The following TMEM130 variants were observed in gnomAD, a reference collection of about 807,000 sequenced individuals.
The protein encoded by TMEM130 is transmembrane protein 130.
In TMEM130, 37 loss-of-function variants were observed where a neutral mutation model predicts 42.9. That is an observed-to-expected ratio of 0.86 (90% confidence interval 0.66 to 1.13). TMEM130 has a LOEUF of 1.13. TMEM130 is among the 50% of genes most tolerant of loss of function. TMEM130 has a pLI of 0.00. For synonymous variants in TMEM130, 259 were observed against 237.7 expected (o/e 1.09, Z -0.82); for missense variants, 545 against 562.6 (o/e 0.97, Z 0.32).
chr7:98,852,698 G>A (rs1444413698), intron 5 of TMEM130, among the ~76,000 whole-genome samples: 3 of 151,902 alleles, frequency 2.0e-5, no homozygotes, highest in African/African-American at 7.3e-5. Context: ...GGGTTCAAGT[G>A]AGTCTTCCAC....
At position 98,851,636 on chromosome 7, in the gene TMEM130, G is replaced by T. The variant is rs782585507; in HGVS notation, c.804-13C>A. 1.3e-6 allele frequency: 2 copies of T among 1,599,034 alleles called. No homozygotes were observed. Among genetic ancestry groups the T allele is most frequent in the East Asian group, 4.5e-5 (2 of 44,512 alleles). Reference sequence around the variant, plus strand: ...AGTCAGAGGAGGGCTGCAGGGAAATGGGGGCGGTTTTTAAGAAAAGGCTCA... The same window carrying T: ...AGTCAGAGGAGGGCTGCAGGGAAATTGGGGCGGTTTTTAAGAAAAGGCTCA... On this transcript the variant is annotated splice_polypyrimidine_tract_variant and intron_variant, in intron 5 of 7. Transcript: ENST00000339375.
intron 3 of TMEM130, among the ~76,000 whole-genome samples, chr7:98,858,934 G>C (rs534534725): frequency 6.9e-6 from 1 of 145,070 alleles, no homozygotes; most frequent in African/African-American, 2.5e-5. Context: ...TTTGGGAGGA[G>C]GAAGGGAGGG....
In TMEM130 at chr7:98,853,650, C is replaced by T. The variant is rs145269800; in HGVS notation, c.803+1590G>A. Among the ~76,000 whole-genome samples, 6 of 152,260 alleles carry T rather than the reference C, an allele frequency of 3.9e-5. No homozygotes were observed. The East Asian group carries it at 7.7e-4, about 20-fold the overall frequency. ...CTGAAAAAAAGAAAGAGTCCTTTAA[C>T]GCCTGGGCCCTGACCACTGATGTCT... On this transcript the variant is annotated intron_variant, in intron 5 of 7. Transcript: ENST00000339375.
chr7:98,862,541 G>C (rs12532476), intron 2 of TMEM130, among the ~76,000 whole-genome samples: 112,467 of 139,206 alleles, frequency 0.81, 46,850 homozygotes, highest in South Asian at 0.93. Flanking sequence ...CCCTGTCCCC[G>C]AGGCTGGAGT....
Position 98,869,703 on chromosome 7 carries a change from A to G in TMEM130, c.85+74T>C. Reference sequence around the variant, plus strand: ...CTCCGCAATCCCTGCTCCCGGGCCCACTCGCCCGCTGAGACGGTTCCAGGC... The same window carrying G: ...CTCCGCAATCCCTGCTCCCGGGCCCGCTCGCCCGCTGAGACGGTTCCAGGC... On this transcript the variant is annotated intron_variant, in intron 1 of 7. Transcript: ENST00000339375. The surrounding 1 kb of genome is among the most constrained non-coding windows in gnomAD (Gnocchi z 4.7). 2 of 1,128,248 alleles carry G rather than the reference A, an allele frequency of 1.8e-6. No homozygotes were observed. The highest frequency in any genetic ancestry group is 2.3e-6 in the Non-Finnish European group (2 of 868,418). 69.9% of individuals were successfully genotyped at this position (1,128,248 alleles called of 1,614,324 possible).
chr7:98,866,363 C>T (rs1554400627), intron 1 of TMEM130: 1 of 152,186 alleles, frequency 6.6e-6, no homozygotes, highest in African/African-American at 2.4e-5. Context: ...AAAGCCAGCA[C>T]CAACAGGGTG....
chr7:98,863,559 C>A (rs1220402135), intron 1 of TMEM130, among the ~76,000 whole-genome samples, 159 bp from the exon 2 acceptor site: 1 of 152,104 alleles, frequency 6.6e-6, no homozygotes, highest in African/African-American at 2.4e-5. Context: ...GCCAATTCGA[C>A]ATCAAACCTG....
At chr7:98,850,273 A>ATATATATTTTTTTTTTTTTTTT in intron 6 of TMEM130, among the ~76,000 whole-genome samples, 5 of 35,462 alleles carry the variant, frequency 1.4e-4, no homozygotes, top group Non-Finnish European at 3.2e-4. Context: ...ATATATATAT[A>ATATATATTTTTTTTTTTTTTTT]TTTTTTTTTT....
rs782196850 is a variant in TMEM130 at position 98,855,229 on chromosome 7, A to G, written c.803+11T>C. On this transcript the variant is annotated intron_variant, in intron 5 of 7. Transcript: ENST00000339375. ...ACGGGGCACCCCCAGTGCGCTCTGG[A>G]GCTCACTTACCTCCCCAGGAAGTTC... is the stretch of plus-strand genomic sequence containing the variant. 1.2e-6 allele frequency: 2 copies of G among 1,611,880 alleles called. No individual in the cohort carries two copies. Among genetic ancestry groups the G allele is most frequent in the Admixed American group, 1.7e-5 (1 of 59,776 alleles).
At chr7:98,851,689 C>T in intron 5 of TMEM130, 66 bp from the exon 6 acceptor site, 1 of 1,424,098 alleles carries the variant, frequency 7.0e-7, no homozygotes, top group Admixed American at 2.3e-5. Flanking sequence ...AGACCAAGTC[C>T]AAGACAGGCC....
chr7:98,851,723 CT>C, intron 5 of TMEM130, 100 bp from the exon 6 acceptor site: 1 of 1,094,390 alleles, frequency 9.1e-7, no homozygotes, highest in East Asian at 2.6e-5. Context: ...CTTCAGTGTC[CT>C]TTCCAGGACA....
intron 5 of TMEM130, 94 bp downstream of exon 5, chr7:98,855,146 G>T (rs1554398741): frequency 8.9e-7 from 1 of 1,127,520 alleles, no homozygotes. Flanking sequence ...CCAGACCTGA[G>T]GCCTGTCACA....
At position 98,847,999 on chromosome 7, in the gene TMEM130, T is replaced by G; in HGVS notation, c.*57A>C. 1.3e-6 allele frequency: 2 copies of G among 1,549,326 alleles called. No homozygotes were observed. Among genetic ancestry groups the G allele is most frequent in the South Asian group, 1.2e-5 (1 of 82,746 alleles). ...TGGTCAGTGGTGCACACCACCCTGC[T>G]GGAAACTCCAAGTCAGCAGTCAGTT... On this transcript the variant is annotated 3_prime_UTR_variant, in exon 8 of 8. Coordinates refer to ENST00000339375, the MANE Select transcript of TMEM130 (RefSeq NM_152913.3).
chr7:98,863,396 C>T lies in TMEM130; in HGVS notation c.90G>A (p.Leu30=), dbSNP rs782259635. Residue 30 remains leucine (L), a synonymous_variant, in exon 2 of 8, where the codon CTG becomes CTA. Coordinates refer to ENST00000339375, the MANE Select transcript of TMEM130 (RefSeq NM_152913.3). ...PWAPAGVAAG[L]YELNLTTDSP... ...TATCGGTGGTGAGATTGAGTTCATA[C>T]AGGCCTAGGAGCCCAGAAACAAAGA... 1.9e-6 allele frequency: 3 copies of T among 1,584,642 alleles called. No homozygotes were observed. Among genetic ancestry groups the T allele is most frequent in the Non-Finnish European group, 2.6e-6 (3 of 1,169,140 alleles).
At chr7:98,853,382 C>T (rs1325080301) in intron 5 of TMEM130, among the ~76,000 whole-genome samples, 4 of 152,182 alleles carry the variant, frequency 2.6e-5, no homozygotes, top group Middle Eastern at 3.2e-3. Context: ...AATACCAGCA[C>T]TTTGGGAGGC....
intron 6 of TMEM130, among the ~76,000 whole-genome samples, chr7:98,850,387 C>T (rs1159142896): frequency 1.3e-5 from 2 of 150,300 alleles, no homozygotes; most frequent in African/African-American, 4.9e-5. Context: ...AAGGGATTCT[C>T]ATGCCTCCAC....
rs782059445 is a variant in TMEM130 at position 98,860,342 on chromosome 7, G to T, written c.392-4C>A. 4 of 1,581,868 alleles carry T rather than the reference G, an allele frequency of 2.5e-6. No homozygotes were observed. The highest frequency in any genetic ancestry group is 3.4e-6 in the Non-Finnish European group (4 of 1,161,550). On this transcript the variant is annotated splice_polypyrimidine_tract_variant and splice_region_variant and intron_variant, in intron 2 of 7. Transcript: ENST00000339375. ...ACAAGGTCCCCCACGAGGAACTCTG[G>T]GAGAGAGAGAGACACGGGAGGGTGA...
intron 3 of TMEM130, among the ~76,000 whole-genome samples, chr7:98,859,061 AAAAAAG>A (rs2116103304): frequency 6.7e-6 from 1 of 150,258 alleles, no homozygotes; most frequent in South Asian, 2.1e-4. Context: ...AAGAAGAAAG[AAAAAAG>A]AAAAAGGAAA....
Position 98,870,014 on chromosome 7 carries a change from T to C in TMEM130, c.-153A>G. The C allele has an allele frequency of 5.2e-6, 2 of 383,468 alleles. No homozygotes were observed. The highest frequency in any genetic ancestry group is 2.1e-5 in the African/African-American group (1 of 47,108). 23.8% of individuals were successfully genotyped at this position (383,468 alleles called of 1,614,324 possible). A position where few individuals can be genotyped will look rare whatever the true frequency, so the allele number is the denominator to read the frequency against. On this transcript the variant is annotated 5_prime_UTR_variant, in exon 1 of 8. Coordinates refer to ENST00000339375, the MANE Select transcript of TMEM130 (RefSeq NM_152913.3). Reference sequence around the variant, plus strand: ...CGCTCGTCCTCGCCGGGGGACGCTCTGTCGCTGCGCGCCGCCGCCGCCGCC... The same window carrying C: ...CGCTCGTCCTCGCCGGGGGACGCTCCGTCGCTGCGCGCCGCCGCCGCCGCC...
Sources: gnomAD v4.1 joint callset for allele counts (sites outside exome capture counted in the v4.1 genomes callset) on GRCh38, gnomAD v4.1.1 for gene constraint, Gnocchi (gnomAD v3.1) non-coding constraint, MANE v1.5 for transcripts, NCBI Gene and HGNC (gene_info 2026-07-23, HGNC 2026-07-21) for gene names.